The following GRID1 variants were observed in gnomAD, a reference collection of about 807,000 sequenced individuals.
The protein encoded by GRID1 is glutamate ionotropic receptor delta type subunit 1.
A neutral mutation model predicts 98.0 loss-of-function variants in GRID1; 28 were observed. That is an observed-to-expected ratio of 0.29 (90% confidence interval 0.21 to 0.39). The LOEUF (loss-of-function observed/expected upper bound fraction) is 0.39. Ranked by LOEUF, GRID1 falls within the 10% of genes least tolerant of loss-of-function variation. The probability of loss-of-function intolerance (pLI) is 1.00; values close to 1 mark genes in which losing one functional copy is unlikely to be tolerated. For synonymous variants in GRID1, 553 were observed against 538.5 expected, an observed-to-expected ratio of 1.03 and a Z score of -0.37; for missense variants, 1,111 against 1,340.5, an observed-to-expected ratio of 0.83 and a Z score of 2.67.
chr10:85,722,340 A>G (rs1841713409), intron 12 of GRID1, among the ~76,000 whole-genome samples: 1 of 152,244 alleles, frequency 6.6e-6, no homozygotes. Flanking sequence ...CATGCCTATG[A>G]CCACTTCAAC....
intron 4 of GRID1, among the ~76,000 whole-genome samples, chr10:86,025,551 C>T (rs1055213749): frequency 1.3e-5 from 2 of 152,164 alleles, no homozygotes; most frequent in Non-Finnish European, 2.9e-5. Context: ...CAAATGCTGT[C>T]CTTTCTACCC....
intron 2 of GRID1, among the ~76,000 whole-genome samples, chr10:86,323,074 G>A (rs868050418): frequency 6.6e-6 from 1 of 152,144 alleles, no homozygotes; most frequent in Non-Finnish European, 1.5e-5. Flanking sequence ...TCCAACCTGG[G>A]TTACAGAGCA....
chr10:86,225,421 A>G (rs1178004157), intron 2 of GRID1, among the ~76,000 whole-genome samples: 1 of 152,244 alleles, frequency 6.6e-6, no homozygotes, highest in Non-Finnish European at 1.5e-5. Context: ...GAATATTTAT[A>G]GCGTTTAAGC....
intron 4 of GRID1, among the ~76,000 whole-genome samples, chr10:86,037,507 A>G (rs1239375289): frequency 6.6e-6 from 1 of 152,244 alleles, no homozygotes; most frequent in East Asian, 1.9e-4. Flanking sequence ...GAAGAAATCA[A>G]TAAAAATTGC....
chr10:85,798,986 G>A (rs1216215763), intron 8 of GRID1, among the ~76,000 whole-genome samples: 1 of 151,968 alleles, frequency 6.6e-6, no homozygotes, highest in East Asian at 1.9e-4. Context: ...TAGTTTGGGG[G>A]TCTAACATTT....
chr10:86,071,331 T>C (rs1348306990), intron 4 of GRID1, among the ~76,000 whole-genome samples: 2 of 152,208 alleles, frequency 1.3e-5, no homozygotes, highest in Non-Finnish European at 2.9e-5. Flanking sequence ...AGATCTCAAA[T>C]GCAACAGGCT....
At chr10:85,771,220 C>A (rs1842262579) in intron 8 of GRID1, among the ~76,000 whole-genome samples, 1 of 152,158 alleles carries the variant, frequency 6.6e-6, no homozygotes, top group African/African-American at 2.4e-5. Context: ...TCCAGCCAAA[C>A]TAAGATTCAT....
At chr10:85,723,278 G>T in intron 11 of GRID1, 137 bp from the exon 12 acceptor site, 1 of 814,038 alleles carries the variant, frequency 1.2e-6, no homozygotes, top group Non-Finnish European at 1.8e-6. Context: ...ACTGTCAGCT[G>T]GGTCTGGGCA....
At chr10:85,983,851 G>A (rs771418842) in intron 4 of GRID1, among the ~76,000 whole-genome samples, 41 of 152,152 alleles carry the variant, frequency 2.7e-4, no homozygotes, top group Non-Finnish European at 4.0e-4. Context: ...ATGGGGTCAT[G>A]AGCTTGGGGG....
intron 4 of GRID1, among the ~76,000 whole-genome samples, chr10:86,023,323 C>T (rs969609858): frequency 2.0e-5 from 3 of 152,176 alleles, no homozygotes; most frequent in Non-Finnish European, 4.4e-5. Flanking sequence ...ATATGGCCTG[C>T]GGGCTCACTG....
In GRID1 at chr10:85,916,634, G is replaced by A. The variant is rs1449045333; in HGVS notation, c.727-395C>T. On this transcript the variant is annotated intron_variant, in intron 4 of 15. Coordinates refer to ENST00000327946, the MANE Select transcript of GRID1 (RefSeq NM_017551.3). This position sits in a 1 kb window ranked among gnomAD's most constrained non-coding sequence, Gnocchi z 4.0. ...TACAGAATCAGGAAACTGGAACGAG[G>A]GATTTATGGGGGCTTGTCTAGTCCA... is the stretch of plus-strand genomic sequence containing the variant. Among the ~76,000 whole-genome samples, 1 of 152,178 alleles carries A rather than the reference G, an allele frequency of 6.6e-6. No homozygotes were observed. Among genetic ancestry groups the A allele is most frequent in the Non-Finnish European group, 1.5e-5 (1 of 68,034 alleles).
At chr10:85,942,334 C>T (rs1842005968) in intron 4 of GRID1, among the ~76,000 whole-genome samples, 1 of 152,224 alleles carries the variant, frequency 6.6e-6, no homozygotes, top group Admixed American at 6.5e-5. Context: ...CTGCCTATAC[C>T]TGGTTCAGAG....
At chr10:85,648,867 C>T (rs190601554) in intron 12 of GRID1, among the ~76,000 whole-genome samples, 15 of 152,318 alleles carry the variant, frequency 9.8e-5, no homozygotes, top group Non-Finnish European at 2.1e-4. Context: ...CTTCAGAGGG[C>T]CATGTGCCAG....
chr10:86,096,210 G>C (rs1325278149), intron 4 of GRID1, among the ~76,000 whole-genome samples: 1 of 151,920 alleles, frequency 6.6e-6, no homozygotes. Context: ...AGAGTGAGAG[G>C]GGGCAAGGGA....
intron 4 of GRID1, among the ~76,000 whole-genome samples, chr10:86,120,669 T>C (rs1406162070): frequency 6.6e-6 from 1 of 152,238 alleles, no homozygotes; most frequent in Non-Finnish European, 1.5e-5. Context: ...ATCCATTATA[T>C]GGCAATGTAA....
chr10:85,739,057 G>C (rs1307016401), intron 8 of GRID1, among the ~76,000 whole-genome samples: 1 of 152,118 alleles, frequency 6.6e-6, no homozygotes, highest in South Asian at 2.1e-4. Context: ...CCAGCCATCT[G>C]AAATCATTAT....
intron 2 of GRID1, among the ~76,000 whole-genome samples, chr10:86,213,537 C>T (rs1846134245): frequency 6.6e-6 from 1 of 152,236 alleles, no homozygotes; most frequent in African/African-American, 2.4e-5. Flanking sequence ...AAAGTTTCTC[C>T]TAAGGCTGGT....
At chr10:86,101,771 C>T (rs1393604046) in intron 4 of GRID1, among the ~76,000 whole-genome samples, 2 of 151,950 alleles carry the variant, frequency 1.3e-5, no homozygotes, top group African/African-American at 2.4e-5. Context: ...TTCTGAGTGG[C>T]TGGGACTACA....
At chr10:85,647,924 T>A (rs997042514) in intron 12 of GRID1, 1 of 153,116 alleles carries the variant, frequency 6.5e-6, no homozygotes, top group African/African-American at 2.4e-5. Context: ...ACCAACTGAC[T>A]CAGGGTAAAT....
Sources: gnomAD v4.1 joint callset for allele counts (sites outside exome capture counted in the v4.1 genomes callset) on GRCh38, gnomAD v4.1.1 for gene constraint, Gnocchi (gnomAD v3.1) non-coding constraint, MANE v1.5 for transcripts, NCBI Gene and HGNC (gene_info 2026-07-23, HGNC 2026-07-21) for gene names.